RASGRF2: variants seen among roughly 807,000 people sequenced by gnomAD.
RASGRF2 encodes ras-specific guanine nucleotide-releasing factor 2.
In RASGRF2, 76 loss-of-function variants were observed where a neutral mutation model predicts 151.0. The observed-to-expected ratio is 0.50, with a 90% CI of 0.42 to 0.61. The LOEUF (loss-of-function observed/expected upper bound fraction) is 0.61. Ranked by LOEUF, RASGRF2 falls within the 20% of genes least tolerant of loss-of-function variation. The probability of loss-of-function intolerance (pLI) is 0.00; values close to 1 mark genes in which losing one functional copy is unlikely to be tolerated. For synonymous variants in RASGRF2, 504 were observed against 566.5 expected (o/e 0.89, Z 1.57); for missense variants, 1,148 against 1,564.6 (o/e 0.73, Z 4.49).
At chr5:81,215,395 C>A (rs553376835) in intron 23 of RASGRF2, among the ~76,000 whole-genome samples, 1 of 151,780 alleles carries the variant, frequency 6.6e-6, no homozygotes, top group Admixed American at 6.6e-5. Context: ...CTCAGCCTCC[C>A]GAGTAGCTGG....
intron 13 of RASGRF2, among the ~76,000 whole-genome samples, chr5:81,111,481 C>G (rs999134857): frequency 1.3e-5 from 2 of 151,926 alleles, no homozygotes; most frequent in Non-Finnish European, 2.9e-5. Flanking sequence ...ACACCCATTA[C>G]TTTTTTTTAA....
At chr5:81,005,402 A>G (rs868418476) in intron 1 of RASGRF2, among the ~76,000 whole-genome samples, 3 of 152,180 alleles carry the variant, frequency 2.0e-5, no homozygotes, top group Non-Finnish European at 2.9e-5. Flanking sequence ...TCACGAGGAC[A>G]GCTTGAGGGT....
chr5:80,990,413 T>TCATCCTCTTGC (rs1398904866), intron 1 of RASGRF2, among the ~76,000 whole-genome samples: 1 of 152,134 alleles, frequency 6.6e-6, no homozygotes, highest in Non-Finnish European at 1.5e-5. Flanking sequence ...AATACTCTTG[T>TCATCCTCTTGC]CATCCTCTTG....
At chr5:80,978,266 T>C (rs1748190771) in intron 1 of RASGRF2, among the ~76,000 whole-genome samples, 1 of 152,202 alleles carries the variant, frequency 6.6e-6, no homozygotes, top group African/African-American at 2.4e-5. Flanking sequence ...TCTTTTTTCT[T>C]CCTTTTAGTA....
chr5:81,059,411 T>A (rs1339938049), intron 2 of RASGRF2, among the ~76,000 whole-genome samples: 1 of 150,662 alleles, frequency 6.6e-6, no homozygotes, highest in Non-Finnish European at 1.5e-5. Flanking sequence ...AGTGAAATCT[T>A]GTAAGGCCTT....
chr5:81,115,934 AG>A (rs1260259752), intron 15 of RASGRF2, among the ~76,000 whole-genome samples: 1 of 152,154 alleles, frequency 6.6e-6, no homozygotes, highest in Non-Finnish European at 1.5e-5. Flanking sequence ...CATCTGGTTG[AG>A]CAGAATTAAG....
chr5:81,002,618 T>C (rs1021007243), intron 1 of RASGRF2, among the ~76,000 whole-genome samples: 1 of 152,256 alleles, frequency 6.6e-6, no homozygotes, highest in Non-Finnish European at 1.5e-5. Flanking sequence ...ATTTTTGCTG[T>C]GCCTTTAGTA....
Position 81,168,555 on chromosome 5 carries a change from C to T in RASGRF2, c.2687-11620C>T, listed in dbSNP as rs10474027. ...CGAACTCCTGACCTCAGGTGATCCA[C>T]CCACCTCAGCCTCCCAAAGTGCTCA... On this transcript the variant is annotated intron_variant, in intron 17 of 26. Coordinates refer to ENST00000265080, the MANE Select transcript of RASGRF2 (RefSeq NM_006909.3). 5.6e-3 allele frequency among the ~76,000 whole-genome samples: 848 copies of T among 152,212 alleles called. 8 individuals are homozygous for T. The highest frequency in any genetic ancestry group is 0.019 in the African/African-American group (805 of 41,526).
rs369622000 is a variant in RASGRF2 at position 81,173,817 on chromosome 5, G to A, written c.2687-6358G>A. 3.9e-5 allele frequency among the ~76,000 whole-genome samples: 6 copies of A among 152,272 alleles called. 1 individual carries two copies. The South Asian group carries it at 6.2e-4, about 16-fold the overall frequency. On this transcript the variant is annotated intron_variant, in intron 17 of 26. Transcript: ENST00000265080. ...AGGTTTTGAGTTTTGTAAATTTGGC[G>A]TCTTACTTGTTTGAAGCCCATCTCC...
intron 17 of RASGRF2, among the ~76,000 whole-genome samples, chr5:81,165,688 A>G (rs1754489478): frequency 6.6e-6 from 1 of 152,096 alleles, no homozygotes; most frequent in African/African-American, 2.4e-5. Flanking sequence ...TCCTAACTAT[A>G]TCAACAGCCC....
chr5:80,975,410 T>A (rs1748081872), intron 1 of RASGRF2, among the ~76,000 whole-genome samples: 1 of 152,120 alleles, frequency 6.6e-6, no homozygotes, highest in Non-Finnish European at 1.5e-5. Flanking sequence ...ACTTGGCCAT[T>A]ACTACTTAGC....
chr5:81,139,484 C>T (rs1238448546), intron 17 of RASGRF2, among the ~76,000 whole-genome samples: 1 of 150,014 alleles, frequency 6.7e-6, no homozygotes, highest in Non-Finnish European at 1.5e-5. Context: ...CCTCAGTCTT[C>T]CAGATAGCTA....
chr5:81,116,776 G>T (rs1236590108), intron 15 of RASGRF2, among the ~76,000 whole-genome samples: 1 of 152,068 alleles, frequency 6.6e-6, no homozygotes, highest in Non-Finnish European at 1.5e-5. Flanking sequence ...CATATATGTG[G>T]AATCATTCAA....
At chr5:81,095,051 G>A in intron 12 of RASGRF2, 59 bp downstream of exon 12, 1 of 1,279,782 alleles carries the variant, frequency 7.8e-7, no homozygotes, top group Non-Finnish European at 1.0e-6. Context: ...CAAACTTTTG[G>A]AGATAGTTTT....
At chr5:80,985,341 A>G (rs554395704) in intron 1 of RASGRF2, among the ~76,000 whole-genome samples, 3 of 152,284 alleles carry the variant, frequency 2.0e-5, no homozygotes, top group African/African-American at 7.2e-5. Context: ...TATATGGTCT[A>G]TTTTTCTGTA....
intron 1 of RASGRF2, among the ~76,000 whole-genome samples, chr5:81,030,345 T>A (rs1750195557): frequency 6.6e-6 from 1 of 151,982 alleles, no homozygotes; most frequent in African/African-American, 2.4e-5. Flanking sequence ...AGACACATAA[T>A]TACCAGATGC....
At chr5:81,044,277 G>A (rs1337190976) in intron 2 of RASGRF2, among the ~76,000 whole-genome samples, 7 of 152,108 alleles carry the variant, frequency 4.6e-5, no homozygotes, top group East Asian at 3.9e-4. Context: ...AATTAGCCGG[G>A]CATGGTGGCA....
At chr5:80,995,212 C>A (rs984303010) in intron 1 of RASGRF2, among the ~76,000 whole-genome samples, 1 of 148,168 alleles carries the variant, frequency 6.7e-6, no homozygotes, top group African/African-American at 2.5e-5. Flanking sequence ...GCCGAGATCG[C>A]GCCACTGCCC....
intron 12 of RASGRF2, among the ~76,000 whole-genome samples, chr5:81,098,082 T>A (rs1299233108): frequency 6.6e-6 from 1 of 152,040 alleles, no homozygotes; most frequent in Non-Finnish European, 1.5e-5. Flanking sequence ...AGTTGGAGAT[T>A]AGGGATCTGA....
Sources: allele counts gnomAD v4.1 joint callset (sites outside exome capture counted in the v4.1 genomes callset), GRCh38; gene constraint gnomAD v4.1.1; transcripts MANE v1.5; gene names NCBI Gene and HGNC (gene_info 2026-07-23, HGNC 2026-07-21).